The following NRXN3 variants were observed in gnomAD, a reference collection of about 807,000 sequenced individuals.
The protein encoded by NRXN3 is neurexin III.
In NRXN3, 32 loss-of-function variants were observed where a neutral mutation model predicts 137.6. That is an observed-to-expected ratio of 0.23 (90% CI 0.18 to 0.31). The LOEUF (loss-of-function observed/expected upper bound fraction) is 0.31, where lower values mean the gene tolerates loss of function less well. Among genes scored for constraint, NRXN3 ranks in the 10% least tolerant of loss-of-function variants. NRXN3 has a pLI of 1.00. For synonymous variants in NRXN3, 798 were observed against 784.5 expected, an observed-to-expected ratio of 1.02 and a Z score of -0.29; for missense variants, 1,574 against 2,062.5, an observed-to-expected ratio of 0.76 and a Z score of 4.59.
chr14:79,695,827 A>G (rs1039392241), intron 18 of NRXN3, among the ~76,000 whole-genome samples: 6 of 151,996 alleles, frequency 3.9e-5, no homozygotes, highest in African/African-American at 9.7e-5. Flanking sequence ...ATGAAAATCT[A>G]TGAGATCTGT....
intron 4 of NRXN3, among the ~76,000 whole-genome samples, chr14:78,447,458 T>A (rs540433149): frequency 2.6e-4 from 40 of 152,332 alleles, no homozygotes; most frequent in African/African-American, 8.4e-4. Context: ...ATAACTTTTT[T>A]AATATGTTGT....
intron 10 of NRXN3, among the ~76,000 whole-genome samples, chr14:78,887,358 G>A (rs1362718970): frequency 6.6e-6 from 1 of 151,972 alleles, no homozygotes; most frequent in Non-Finnish European, 1.5e-5. Flanking sequence ...GAGAGAGAAA[G>A]ATTATTTTAT....
At chr14:79,262,219 G>T (rs1450357278) in intron 15 of NRXN3, among the ~76,000 whole-genome samples, 1 of 152,104 alleles carries the variant, frequency 6.6e-6, no homozygotes, top group Non-Finnish European at 1.5e-5. Flanking sequence ...AAAATGAAGT[G>T]CCCAATCCTC....
At chr14:79,400,941 G>T (rs1286113538) in intron 15 of NRXN3, among the ~76,000 whole-genome samples, 1 of 152,124 alleles carries the variant, frequency 6.6e-6, no homozygotes, top group African/African-American at 2.4e-5. Flanking sequence ...TGAACACATT[G>T]CAGGGTAAAT....
chr14:79,441,811 G>C (rs1217850399), intron 15 of NRXN3, among the ~76,000 whole-genome samples: 1 of 150,708 alleles, frequency 6.6e-6, no homozygotes, highest in Non-Finnish European at 1.5e-5. Flanking sequence ...CCAAAGCAAA[G>C]ACTAAAATGA....
At chr14:78,179,702 C>G (rs2059605471) in intron 1 of NRXN3, among the ~76,000 whole-genome samples, 1 of 151,902 alleles carries the variant, frequency 6.6e-6, no homozygotes, top group African/African-American at 2.4e-5. Flanking sequence ...TGCTGAACCC[C>G]AGTTCAAGGA....
At chr14:78,238,365 C>A (rs1596272566) in intron 1 of NRXN3, among the ~76,000 whole-genome samples, 5 of 152,322 alleles carry the variant, frequency 3.3e-5, no homozygotes, top group Admixed American at 3.3e-4. Flanking sequence ...TGGGGCAAAC[C>A]ACCTGTGTGC....
intron 8 of NRXN3, among the ~76,000 whole-genome samples, chr14:78,757,975 G>T (rs925221327): frequency 1.3e-4 from 20 of 152,058 alleles, no homozygotes; most frequent in African/African-American, 4.3e-4. Context: ...AAAGCTCCTG[G>T]GTTATTTATG....
chr14:79,361,993 T>TATAATA (rs894711796), intron 15 of NRXN3, among the ~76,000 whole-genome samples: 1 of 111,784 alleles, frequency 8.9e-6, no homozygotes, highest in African/African-American at 3.0e-5. Context: ...ATTCTACTTT[T>TATAATA]ATAATTATTA....
At chr14:79,149,171 ACT>A (rs2153025218) in intron 15 of NRXN3, among the ~76,000 whole-genome samples, 1 of 152,114 alleles carries the variant, frequency 6.6e-6, no homozygotes, top group Non-Finnish European at 1.5e-5. Context: ...CTGGTAGGAA[ACT>A]CTGTAAGGGG....
At chr14:78,257,721 T>A (rs956080548) in intron 2 of NRXN3, among the ~76,000 whole-genome samples, 2 of 152,228 alleles carry the variant, frequency 1.3e-5, no homozygotes, top group Non-Finnish European at 2.9e-5. Context: ...GGGAATGTCT[T>A]AACTGCTTTG....
At chr14:78,440,121 TA>T (rs1481278379) in intron 4 of NRXN3, among the ~76,000 whole-genome samples, 1 of 152,264 alleles carries the variant, frequency 6.6e-6, no homozygotes, top group African/African-American at 2.4e-5. Context: ...TTAAATAATA[TA>T]AATCTCTTGG....
chr14:78,507,802 ACTT>A (rs1342754666), intron 4 of NRXN3, among the ~76,000 whole-genome samples: 1 of 152,182 alleles, frequency 6.6e-6, no homozygotes, highest in Non-Finnish European at 1.5e-5. Flanking sequence ...ATTTTGTGAC[ACTT>A]CTTGAGACAC....
intron 8 of NRXN3, among the ~76,000 whole-genome samples, chr14:78,743,091 G>A (rs2098588014): frequency 6.6e-6 from 1 of 151,992 alleles, no homozygotes; most frequent in Non-Finnish European, 1.5e-5. Flanking sequence ...GATGAGCTTG[G>A]GTCAAACATC....
intron 15 of NRXN3, among the ~76,000 whole-genome samples, chr14:79,000,859 G>A (rs746013973): frequency 7.2e-5 from 11 of 152,162 alleles, no homozygotes; most frequent in Non-Finnish European, 1.2e-4. Context: ...CAAACTCTCG[G>A]TATTGTTAGA....
chr14:78,717,901 G>T (rs2098441402), intron 8 of NRXN3, among the ~76,000 whole-genome samples: 1 of 152,154 alleles, frequency 6.6e-6, no homozygotes. Context: ...GGACAAACAG[G>T]CAAGAATGGC....
In NRXN3 at chr14:79,619,309, T is replaced by C. The variant is rs1032224066; in HGVS notation, c.3445-44469T>C. 1.6e-4 allele frequency among the ~76,000 whole-genome samples: 25 copies of C among 152,246 alleles called. No homozygotes were observed. In the South Asian group the frequency reaches 5.2e-3, roughly 32 times the overall value. ...AACGTTCTAAATGGTATTTCCTAGG[T>C]TTCCTTCTAGGATTTTTATGATTTT... is the stretch of plus-strand genomic sequence containing the variant. On this transcript the variant is annotated intron_variant, in intron 16 of 20. Transcript: ENST00000335750.
chr14:79,017,422 C>T (rs1308217575), intron 15 of NRXN3, among the ~76,000 whole-genome samples: 1 of 151,848 alleles, frequency 6.6e-6, no homozygotes, highest in African/African-American at 2.4e-5. Flanking sequence ...CATCCATTCC[C>T]TCCTCCTCCC....
At chr14:78,980,758 G>A (rs1246575017) in intron 14 of NRXN3, among the ~76,000 whole-genome samples, 1 of 152,072 alleles carries the variant, frequency 6.6e-6, no homozygotes, top group African/African-American at 2.4e-5. Context: ...CCAAAAGCAG[G>A]GCTGGAAATT....
Sources: allele counts gnomAD v4.1 joint callset (sites outside exome capture counted in the v4.1 genomes callset), GRCh38; gene constraint gnomAD v4.1.1; transcripts MANE v1.5; gene names NCBI Gene and HGNC (gene_info 2026-07-23, HGNC 2026-07-21).